Variants in BLTP2 observed in about 807,000 individuals in gnomAD.
The protein encoded by BLTP2 is U937-associated antigen.
At chr17:28,642,891 G>C in the BLTP2 span, 2 of 1,603,726 alleles carry the variant, frequency 1.2e-6, no homozygotes, top group African/African-American at 2.7e-5. Flanking sequence ...CTATCCAAAA[G>C]AAATCTGCTT....
chr17:28,639,385 G>A, the BLTP2 span: 2 of 1,613,962 alleles, frequency 1.2e-6, no homozygotes, highest in South Asian at 2.2e-5. Flanking sequence ...TGCAGCCAGT[G>A]AGAGAATTCC....
chr17:28,627,349 C>T, the BLTP2 span, among the ~76,000 whole-genome samples: 1 of 152,030 alleles, frequency 6.6e-6, no homozygotes, highest in Non-Finnish European at 1.5e-5. Context: ...TCAAATGCTA[C>T]TTCCTCAATA....
chr17:28,619,030 G>C, the BLTP2 span: 5 of 1,411,536 alleles, frequency 3.5e-6, no homozygotes, highest in South Asian at 1.2e-5. Context: ...GTTGGGGGTG[G>C]GATAGAATGC....
chr17:28,645,119 C>G, the BLTP2 span: 1 of 1,380,696 alleles, frequency 7.2e-7, no homozygotes, highest in South Asian at 1.4e-5. Flanking sequence ...GACGCCGGAT[C>G]CGCGCAGCAC....
chr17:28,621,781 G>C, the BLTP2 span, among the ~76,000 whole-genome samples: 1 of 152,088 alleles, frequency 6.6e-6, no homozygotes. Flanking sequence ...ATCTAATCAT[G>C]TCATGGGCAA....
At chr17:28,619,788 G>A in the BLTP2 span, 1,636 of 1,614,112 alleles carry the variant, frequency 1.0e-3, 20 homozygotes, top group African/African-American at 0.019. Flanking sequence ...AGGGAACCAG[G>A]ATAGAAACTG....
the BLTP2 span, chr17:28,635,658 A>C: frequency 6.5e-7 from 1 of 1,547,128 alleles, no homozygotes; most frequent in African/African-American, 1.4e-5. Flanking sequence ...GTCACAAAAC[A>C]GTAGAGATGG....
the BLTP2 span, among the ~76,000 whole-genome samples, chr17:28,626,912 G>A: frequency 1.1e-3 from 168 of 152,344 alleles, no homozygotes; most frequent in African/African-American, 4.0e-3. Context: ...GTGGGAACCC[G>A]TTTATAGCCA....
At chr17:28,639,199 C>T in the BLTP2 span, 2 of 994,240 alleles carry the variant, frequency 2.0e-6, no homozygotes, top group African/African-American at 1.6e-5. Flanking sequence ...TGTTGAGACT[C>T]GGATTTGAGG....
chr17:28,637,772 A>G, the BLTP2 span: 1 of 1,531,348 alleles, frequency 6.5e-7, no homozygotes, highest in Non-Finnish European at 8.9e-7. Context: ...CCTGGGTTGA[A>G]GTGATTCTCC....
At chr17:28,634,830 C>T in the BLTP2 span, 1 of 1,613,826 alleles carries the variant, frequency 6.2e-7, no homozygotes, top group Non-Finnish European at 8.5e-7. Flanking sequence ...CATGCTGCTT[C>T]CGAAGGGCGG....
the BLTP2 span, chr17:28,644,127 C>A: frequency 5.0e-6 from 8 of 1,614,224 alleles, no homozygotes; most frequent in East Asian, 2.2e-5. Flanking sequence ...AGGAGCCAAT[C>A]TTTAGCTCCG....
chr17:28,620,839 C>T, the BLTP2 span: 1 of 926,666 alleles, frequency 1.1e-6, no homozygotes, highest in Non-Finnish European at 1.7e-6. Flanking sequence ...TTTCTCATAG[C>T]AGAACTTACA....
At chr17:28,629,680 T>C in the BLTP2 span, among the ~76,000 whole-genome samples, 4 of 152,150 alleles carry the variant, frequency 2.6e-5, no homozygotes, top group Non-Finnish European at 5.9e-5. Context: ...GGTTTCACCA[T>C]ATTGGCCAGG....
chr17:28,627,103 G>C, the BLTP2 span, among the ~76,000 whole-genome samples: 8 of 152,220 alleles, frequency 5.3e-5, no homozygotes, highest in Non-Finnish European at 8.8e-5. Flanking sequence ...TTAATTGCTT[G>C]CTTATTGGTT....
chr17:28,618,001 C>T, the BLTP2 span, among the ~76,000 whole-genome samples: 7 of 148,728 alleles, frequency 4.7e-5, no homozygotes, highest in African/African-American at 1.5e-4. Flanking sequence ...GGCACGATCT[C>T]GGCTCACTGC....
At chr17:28,618,645 A>G in the BLTP2 span, 1 of 607,658 alleles carries the variant, frequency 1.6e-6, no homozygotes, top group Non-Finnish European at 2.8e-6. Flanking sequence ...TAATATGATT[A>G]ATGAGCTCGT....
chr17:28,634,924 A>G, the BLTP2 span: 1 of 1,613,740 alleles, frequency 6.2e-7, no homozygotes, highest in South Asian at 1.1e-5. Context: ...ATGAAGTTTC[A>G]CCTCAAAAAC....
the BLTP2 span, chr17:28,620,393 A>AC: frequency 8.1e-7 from 1 of 1,227,984 alleles, no homozygotes; most frequent in Non-Finnish European, 1.1e-6. Context: ...GAATCTACCA[A>AC]CCACAAGGCC....
Sources: allele counts gnomAD v4.1 joint callset (sites outside exome capture counted in the v4.1 genomes callset), GRCh38; gene constraint gnomAD v4.1.1; transcripts MANE v1.5; gene names NCBI Gene and HGNC (gene_info 2026-07-23, HGNC 2026-07-21).